Variants in POTEC observed in about 807,000 individuals in gnomAD.
POTEC encodes ANKRD26-like family B member 2.
Under a neutral mutation model 62.0 loss-of-function variants are expected in POTEC, and 35 were observed. The ratio of observed to expected loss-of-function variants is 0.56; its 90% CI spans 0.43 to 0.75. The LOEUF is 0.75. Among genes scored for constraint, POTEC ranks in the 30% least tolerant of loss-of-function variants. The pLI, the probability that POTEC is intolerant of heterozygous loss-of-function variation, is 0.00. For synonymous variants in POTEC, 156 were observed against 221.5 expected (o/e 0.70, Z 2.62); for missense variants, 472 against 655.9 (o/e 0.72, Z 3.06).
intron 1 of POTEC, among the ~76,000 whole-genome samples, chr18:14,539,345 G>C (rs1272410770): frequency 2.0e-5 from 3 of 151,680 alleles, no homozygotes; most frequent in Non-Finnish European, 2.9e-5. Context: ...TGTGCCAAGG[G>C]GGTTGGTTGT....
At chr18:14,535,174 T>C (rs914499617) in intron 3 of POTEC, among the ~76,000 whole-genome samples, 167 bp from the exon 4 acceptor site, 14 of 151,490 alleles carry the variant, frequency 9.2e-5, no homozygotes, top group Non-Finnish European at 1.6e-4. Context: ...CTTGGAAACA[T>C]CCCTTCTCTG....
Position 14,517,451 on chromosome 18 carries a change from T to C in POTEC, c.1410-3666A>G, listed in dbSNP as rs113853891. ...TGCCTGACCAGTATTCCTCTTACTATAGGAAGCAAAAATTCCAACTCTGTC... is the reference window on the plus strand; with the variant it reads ...TGCCTGACCAGTATTCCTCTTACTACAGGAAGCAAAAATTCCAACTCTGTC... On this transcript the variant is annotated intron_variant, in intron 9 of 10. Coordinates refer to ENST00000358970, the MANE Select transcript of POTEC (RefSeq NM_001137671.2). Among the ~76,000 whole-genome samples the C allele has an allele frequency of 6.8e-3, 1,037 of 152,274 alleles. 22 individuals are homozygous for C. Among genetic ancestry groups the C allele is most frequent in the South Asian group, 0.058 (278 of 4,826 alleles).
At chr18:14,531,952 G>A (rs1294248120) in intron 5 of POTEC, among the ~76,000 whole-genome samples, 1 of 151,240 alleles carries the variant, frequency 6.6e-6, no homozygotes, top group African/African-American at 2.4e-5. Flanking sequence ...AGAGATGGAA[G>A]TAGCTTGGAT....
At chr18:14,534,081 C>G (rs1210887667) in intron 4 of POTEC, among the ~76,000 whole-genome samples, 5 of 112,528 alleles carry the variant, frequency 4.4e-5, no homozygotes, top group Non-Finnish European at 7.2e-5. Context: ...CCCCTCCCCC[C>G]ACCCCACCAC....
intron 3 of POTEC, among the ~76,000 whole-genome samples, chr18:14,537,206 CACACAAAAA>C (rs1905758216): frequency 5.2e-5 from 4 of 76,864 alleles, no homozygotes; most frequent in South Asian, 5.9e-4. Context: ...CACACACACA[CACACAAAAA>C]AAAAAAAAAA....
chr18:14,519,491 C>T (rs1284711633), intron 9 of POTEC, among the ~76,000 whole-genome samples: 14 of 152,184 alleles, frequency 9.2e-5, no homozygotes, highest in Middle Eastern at 3.4e-3. Flanking sequence ...CCAAGGCAGA[C>T]AGATCACCTG....
Position 14,511,856 on chromosome 18 carries a change from A to G in POTEC, c.*42T>C. Reference sequence around the variant, plus strand: ...TCTTTCACACTTTCAATTTCCTCCAAAATTTTATTTTCCCTTAGCTGGTTC... The same window carrying G: ...TCTTTCACACTTTCAATTTCCTCCAGAATTTTATTTTCCCTTAGCTGGTTC... On this transcript the variant is annotated 3_prime_UTR_variant, in exon 11 of 11. Transcript: ENST00000358970. 6.3e-7 allele frequency: 1 copy of G among 1,591,776 alleles called. No individual in the cohort carries two copies. Among genetic ancestry groups the G allele is most frequent in the Non-Finnish European group, 8.6e-7 (1 of 1,161,114 alleles).
chr18:14,526,746 T>C (rs932930056), intron 6 of POTEC, among the ~76,000 whole-genome samples: 9 of 152,098 alleles, frequency 5.9e-5, no homozygotes, highest in African/African-American at 1.7e-4. Flanking sequence ...CGATGTAGAG[T>C]AGGGCAGAAG....
chr18:14,540,830 C>A (rs1409133238), intron 1 of POTEC, among the ~76,000 whole-genome samples: 2 of 152,202 alleles, frequency 1.3e-5, no homozygotes, highest in African/African-American at 4.8e-5. Context: ...CTGTTCTTCA[C>A]CCTCACAAAC....
chr18:14,523,244 A>T (rs1376495485), intron 8 of POTEC, among the ~76,000 whole-genome samples: 2 of 149,374 alleles, frequency 1.3e-5, no homozygotes, highest in African/African-American at 2.5e-5. Flanking sequence ...TTATGGCACC[A>T]TTCAGGATTG....
intron 2 of POTEC, 62 bp from the exon 3 acceptor site, chr18:14,538,036 G>A: frequency 6.3e-7 from 1 of 1,594,748 alleles, no homozygotes; most frequent in Non-Finnish European, 8.5e-7. Flanking sequence ...ACATTCCACA[G>A]CTTTCACCAA....
intron 9 of POTEC, among the ~76,000 whole-genome samples, chr18:14,516,899 G>T (rs1379039353): frequency 6.6e-6 from 1 of 151,366 alleles, no homozygotes; most frequent in Non-Finnish European, 1.5e-5. Context: ...GTACTGAGAA[G>T]AAAGTGAACA....
rs752088732 is a variant in POTEC at position 14,534,933 on chromosome 18, T to C, written c.885A>G (p.Lys295=). 1 of 1,594,524 alleles carries C rather than the reference T, an allele frequency of 6.3e-7. No homozygotes were observed. The highest frequency in any genetic ancestry group is 1.4e-5 in the African/African-American group (1 of 73,590). Residue 295 remains lysine (K), a synonymous_variant, in exon 4 of 11, where the codon AAA becomes AAG. Coordinates refer to ENST00000358970, the MANE Select transcript of POTEC (RefSeq NM_001137671.2). ...ATCTATCAAGTGCATTTAAATTAGCTTTTTTCTTGATTAAAAATTTCACCA... is the reference window on the plus strand; with the variant it reads ...ATCTATCAAGTGCATTTAAATTAGCCTTTTTCTTGATTAAAAATTTCACCA... ...QQVVKFLIKK[K]ANLNALDRYG...
At chr18:14,517,998 A>G (rs1473181597) in intron 9 of POTEC, among the ~76,000 whole-genome samples, 2 of 152,230 alleles carry the variant, frequency 1.3e-5, no homozygotes, top group Admixed American at 6.5e-5. Flanking sequence ...AAAAATTAAT[A>G]TAAAGAATGT....
Position 14,542,842 on chromosome 18 carries a change from C to T in POTEC, c.305G>A (p.Cys102Tyr), listed in dbSNP as rs1905995044. The T allele has an allele frequency of 6.2e-7, 1 of 1,607,970 alleles. No homozygotes were observed. The highest frequency in any genetic ancestry group is 1.4e-5 in the African/African-American group (1 of 73,860). The change falls in exon 1 of 11, where the codon TGC (cysteine) becomes TAC (tyrosine). Residue 102 changes from cysteine (C) to tyrosine (Y), a missense_variant. Cys to Tyr is a radical substitution (Grantham distance 194). Transcript: ENST00000358970. Reference sequence around the variant, plus strand: ...CCTGCAGCAGGGGAAGCAGTGACAGCACCACTTGCCCATCTTGCTCCTGAG... The same window carrying T: ...CCTGCAGCAGGGGAAGCAGTGACAGTACCACTTGCCCATCTTGCTCCTGAG... ...KTLRSKMGKW[C>Y]CHCFPCCRGS...
At position 14,507,708 on chromosome 18, in the gene POTEC, G is replaced by C. The variant is rs1323445634; in HGVS notation, c.*4190C>G. 1.3e-5 allele frequency: 2 copies of C among 152,118 alleles called. No homozygotes were observed. The highest frequency in any genetic ancestry group is 2.4e-5 in the African/African-American group (1 of 41,422). The allele number at this position is 152,118 out of a possible 1,614,324, so 9.4% of individuals were successfully genotyped here. On this transcript the variant is annotated 3_prime_UTR_variant, in exon 11 of 11. Transcript: ENST00000358970. The stretch of plus-strand genomic sequence containing the variant: ...TGTACTTCAGTGTGTTTTTGTAGTG[G>C]CTGGTGGTGGTCTTTTCTTTCCATA...
intron 9 of POTEC, 98 bp from the exon 10 acceptor site, chr18:14,513,883 T>A (rs1039901282): frequency 3.2e-6 from 5 of 1,583,046 alleles, no homozygotes. Context: ...ACAATGCATA[T>A]CTGCACATTA....
In POTEC at chr18:14,509,090, G is replaced by C. The variant is rs1399579546; in HGVS notation, c.*2808C>G. On this transcript the variant is annotated 3_prime_UTR_variant, in exon 11 of 11. Coordinates refer to ENST00000358970, the MANE Select transcript of POTEC (RefSeq NM_001137671.2). ...TTGTCCTCTGGCTCCTCGAGGTTTG[G>C]AGTCCACTGCACTGAGGGGACCAAA... 2 of 152,260 alleles carry C rather than the reference G, an allele frequency of 1.3e-5. No homozygotes were observed. The highest frequency in any genetic ancestry group is 2.9e-5 in the Non-Finnish European group (2 of 68,080). 9.4% of individuals were successfully genotyped at this position (152,260 alleles called of 1,614,324 possible).
Position 14,508,035 on chromosome 18 carries a change from A to G in POTEC, c.*3863T>C, listed in dbSNP as rs944074271. ...TTTGACCTCAGAGAATCTGATGATT[A>G]TGTGTCTTGGGGATGATCTTCTCAT... On this transcript the variant is annotated 3_prime_UTR_variant, in exon 11 of 11. Transcript: ENST00000358970. The G allele has an allele frequency of 6.6e-6, 1 of 152,044 alleles. No homozygotes were observed. The highest frequency in any genetic ancestry group is 1.5e-5 in the Non-Finnish European group (1 of 68,024). 9.4% of individuals were successfully genotyped at this position (152,044 alleles called of 1,614,324 possible).
Sources: allele counts gnomAD v4.1 joint callset (sites outside exome capture counted in the v4.1 genomes callset), GRCh38; gene constraint gnomAD v4.1.1; transcripts MANE v1.5; gene names NCBI Gene and HGNC (gene_info 2026-07-23, HGNC 2026-07-21).